PTPRJ: variants seen among roughly 807,000 people sequenced by gnomAD.
The protein encoded by PTPRJ is protein tyrosine phosphatase receptor type J.
In PTPRJ, 129 loss-of-function variants were observed where a neutral mutation model predicts 141.3. The observed-to-expected ratio is 0.91, with a 90% confidence interval of 0.79 to 1.06. PTPRJ has a LOEUF of 1.06. Among genes scored for constraint, PTPRJ ranks in the 50% least tolerant of loss-of-function variants. The probability of loss-of-function intolerance (pLI) is 0.00; values close to 1 mark genes in which losing one functional copy is unlikely to be tolerated. For missense variants in PTPRJ, 1,601 were observed against 1,679.7 expected, an observed-to-expected ratio of 0.95 and a Z score of 0.82; for synonymous variants, 610 against 640.5, an observed-to-expected ratio of 0.95 and a Z score of 0.72.
intron 1 of PTPRJ, among the ~76,000 whole-genome samples, chr11:48,106,759 C>CTTTCTTT (rs1186134492): frequency 3.3e-5 from 4 of 120,412 alleles, no homozygotes; most frequent in Non-Finnish European, 6.8e-5. Flanking sequence ...TTCTTTCTTT[C>CTTTCTTT]TTTCTTTTTT....
chr11:48,063,855 C>T (rs781518634), intron 1 of PTPRJ, among the ~76,000 whole-genome samples: 5 of 151,934 alleles, frequency 3.3e-5, no homozygotes, highest in Non-Finnish European at 5.9e-5. Context: ...TTTATTTTAT[C>T]CAAAGGCTTC....
intron 22 of PTPRJ, among the ~76,000 whole-genome samples, chr11:48,162,647 T>C (rs1857814695): frequency 6.6e-6 from 1 of 152,212 alleles, no homozygotes; most frequent in Non-Finnish European, 1.5e-5. Context: ...GAGATGGAAA[T>C]GCCTGCAGTG....
intron 1 of PTPRJ, among the ~76,000 whole-genome samples, chr11:47,991,266 G>A (rs1411243825): frequency 6.6e-6 from 1 of 152,018 alleles, no homozygotes. Context: ...CAGGGATATT[G>A]ACTGTGTCCC....
At chr11:48,032,056 T>G (rs908190054) in intron 1 of PTPRJ, among the ~76,000 whole-genome samples, 2 of 152,182 alleles carry the variant, frequency 1.3e-5, no homozygotes, top group Non-Finnish European at 2.9e-5. Flanking sequence ...TCCAGCCCAG[T>G]GCCCAGTGCT....
chr11:48,143,066 C>T lies in PTPRJ; in HGVS notation c.2575+16C>T, dbSNP rs200757428. ...ACCGGGGAAGGTAAGGAGAGGCCTCCGTGGGTTAAACAGCCCATGAGTGAT... is the reference window on the plus strand; with the variant it reads ...ACCGGGGAAGGTAAGGAGAGGCCTCTGTGGGTTAAACAGCCCATGAGTGAT... On this transcript the variant is annotated intron_variant, in intron 12 of 24. Transcript: ENST00000418331. 44 of 1,613,738 alleles carry T rather than the reference C, an allele frequency of 2.7e-5. No individual in the cohort carries two copies. The African/African-American group carries it at 3.1e-4, about 11-fold the overall frequency.
chr11:48,073,736 C>A (rs1451539198), intron 1 of PTPRJ, among the ~76,000 whole-genome samples: 1 of 149,010 alleles, frequency 6.7e-6, no homozygotes, highest in East Asian at 1.9e-4. Context: ...TCCTTTTTTT[C>A]TGGGTGATGG....
intron 3 of PTPRJ, among the ~76,000 whole-genome samples, chr11:48,116,964 T>C (rs1371834810): frequency 6.6e-6 from 1 of 152,192 alleles, no homozygotes; most frequent in African/African-American, 2.4e-5. Context: ...GAGACATAAA[T>C]TAGAAAATGC....
At chr11:48,115,915 A>G (rs1000444448) in intron 3 of PTPRJ, among the ~76,000 whole-genome samples, 2 of 152,178 alleles carry the variant, frequency 1.3e-5, no homozygotes, top group Admixed American at 6.5e-5. Flanking sequence ...CACAAAGAAG[A>G]ACCTTTAGTA....
At position 48,149,439 on chromosome 11, in the gene PTPRJ, TA is replaced by T; in HGVS notation, c.3000-4del. The T allele has an allele frequency of 2.6e-6, 4 of 1,511,418 alleles. No individual in the cohort carries two copies. The highest frequency in any genetic ancestry group is 3.6e-6 in the Non-Finnish European group (4 of 1,100,668). 93.6% of individuals were successfully genotyped at this position (1,511,418 alleles called of 1,614,324 possible). ...TTTGTCTAATGGGTCTCTTTTCTCT[TA>T]AAACAGGAAAGATGCAAAGAATAAT... On this transcript the variant is annotated splice_polypyrimidine_tract_variant and splice_region_variant and intron_variant, in intron 15 of 24. Coordinates refer to ENST00000418331, the MANE Select transcript of PTPRJ (RefSeq NM_002843.4).
At chr11:48,131,890 C>T (rs1183668515) in intron 8 of PTPRJ, 2 of 192,058 alleles carry the variant, frequency 1.0e-5, no homozygotes, top group Non-Finnish European at 1.1e-5. Flanking sequence ...TTTTCATTCT[C>T]ATTCTCTTTT....
At chr11:48,145,209 C>T (rs1857322416) in intron 14 of PTPRJ, 85 bp downstream of exon 14, 1 of 1,567,726 alleles carries the variant, frequency 6.4e-7, no homozygotes, top group African/African-American at 1.4e-5. Context: ...TACATGCCTC[C>T]CTCAGACCTT....
At chr11:48,138,599 C>T (rs1280939214) in intron 10 of PTPRJ, among the ~76,000 whole-genome samples, 3 of 152,226 alleles carry the variant, frequency 2.0e-5, no homozygotes, top group South Asian at 2.1e-4. Flanking sequence ...AATCTAATGG[C>T]CCTCAGATAG....
At chr11:48,099,692 T>G (rs901077703) in intron 1 of PTPRJ, among the ~76,000 whole-genome samples, 4 of 152,164 alleles carry the variant, frequency 2.6e-5, no homozygotes, top group African/African-American at 9.7e-5. Flanking sequence ...TAAAAGTGTC[T>G]GCTTTGTGGC....
At chr11:48,035,538 C>CTTCTT (rs1854100219) in intron 1 of PTPRJ, among the ~76,000 whole-genome samples, 4 of 61,738 alleles carry the variant, frequency 6.5e-5, no homozygotes, top group Non-Finnish European at 8.9e-5. Context: ...CTTTCTTCTT[C>CTTCTT]TTTTTTTTTT....
At chr11:48,025,223 G>C (rs1224212590) in intron 1 of PTPRJ, among the ~76,000 whole-genome samples, 2 of 152,174 alleles carry the variant, frequency 1.3e-5, no homozygotes, top group African/African-American at 4.8e-5. Flanking sequence ...ATGGGCAGTT[G>C]CTGTTTATTC....
rs571973065 is a variant in PTPRJ, at chr11:47,997,538, A to G, written c.96+16530A>G. On this transcript the variant is annotated intron_variant, in intron 1 of 24. Coordinates refer to ENST00000418331, the MANE Select transcript of PTPRJ (RefSeq NM_002843.4). ...GAGTTTGTGCTGCGTCTGGGCATCT[A>G]GGTGTCGAGTTCTTCCCTAGTGTTT... 1.3e-3 allele frequency among the ~76,000 whole-genome samples: 191 copies of G among 152,194 alleles called. 1 individual carries two copies. The highest frequency in any genetic ancestry group is 4.4e-3 in the African/African-American group (183 of 41,526).
rs1487743401 is a variant in PTPRJ, at chr11:48,139,792, G to A, written c.2443+16G>A. 3.7e-6 allele frequency: 6 copies of A among 1,612,670 alleles called. No homozygotes were observed. In the Admixed American group the frequency reaches 6.7e-5, roughly 18 times the overall value. ...GGCATCACAGGTGGGCTACAAGGCA[G>A]GGGCTGGTCAGTTGGCACTGTGATC... On this transcript the variant is annotated intron_variant, in intron 11 of 24. Transcript: ENST00000418331.
chr11:48,144,216 T>A (rs972075427), intron 12 of PTPRJ, among the ~76,000 whole-genome samples: 7 of 152,144 alleles, frequency 4.6e-5, no homozygotes, highest in African/African-American at 1.7e-4. Flanking sequence ...ATCTCTATCT[T>A]TTAATTTTGG....
chr11:47,994,013 G>A (rs142012245), intron 1 of PTPRJ, among the ~76,000 whole-genome samples: 2 of 151,292 alleles, frequency 1.3e-5, no homozygotes, highest in African/African-American at 2.4e-5. Context: ...TGTGCAGGCC[G>A]CCACACCCGG....
Sources: gnomAD v4.1 joint callset for allele counts (sites outside exome capture counted in the v4.1 genomes callset) on GRCh38, gnomAD v4.1.1 for gene constraint, MANE v1.5 for transcripts, NCBI Gene and HGNC (gene_info 2026-07-23, HGNC 2026-07-21) for gene names.